Variants in CCNY observed in about 807,000 individuals in gnomAD.
CCNY encodes cyclin Y.
In CCNY, 19 loss-of-function variants were observed where a neutral mutation model predicts 42.8. That is an observed-to-expected ratio of 0.44 (90% confidence interval 0.31 to 0.65). CCNY has a LOEUF of 0.65. Among genes scored for constraint, CCNY ranks in the 30% least tolerant of loss-of-function variants. The probability of loss-of-function intolerance (pLI) is 0.07; values close to 1 mark genes in which losing one functional copy is unlikely to be tolerated. For synonymous variants in CCNY, 165 were observed against 162.7 expected (o/e 1.01, Z -0.11); for missense variants, 370 against 437.3 (o/e 0.85, Z 1.37).
intron 1 of CCNY, among the ~76,000 whole-genome samples, chr10:35,443,703 G>C (rs1334295161): frequency 6.6e-6 from 1 of 152,196 alleles, no homozygotes; most frequent in Non-Finnish European, 1.5e-5. Context: ...AATATACTTT[G>C]TGTTCTTAGC....
At chr10:35,464,245 C>T (rs1368947700) in intron 1 of CCNY, among the ~76,000 whole-genome samples, 1 of 152,176 alleles carries the variant, frequency 6.6e-6, no homozygotes, top group Admixed American at 6.5e-5. Context: ...TCTCATCTGC[C>T]TCCTTGTCCT....
chr10:35,372,684 G>C (rs1486884418), intron 1 of CCNY, among the ~76,000 whole-genome samples: 1 of 152,118 alleles, frequency 6.6e-6, no homozygotes, highest in African/African-American at 2.4e-5. Context: ...CCATTTCATA[G>C]AGAGCTACTG....
intron 2 of CCNY, chr10:35,250,505 C>T (rs1269586185): frequency 6.6e-6 from 1 of 152,196 alleles, no homozygotes; most frequent in African/African-American, 2.4e-5. Context: ...AATACATATC[C>T]CTGGGTCTCA....
rs533664716 is a variant in CCNY, at chr10:35,478,565, C to T, written c.155-4839C>T. Among the ~76,000 whole-genome samples, 9 of 152,282 alleles carry T rather than the reference C, an allele frequency of 5.9e-5. No homozygotes were observed. The South Asian group carries it at 1.9e-3, about 32-fold the overall frequency. The stretch of plus-strand genomic sequence containing the variant: ...AGGATTCCCTATTTAATAAATGGTG[C>T]TGGGAAAACTGGCTAGCCATATGGA... On this transcript the variant is annotated intron_variant, in intron 1 of 9. Coordinates refer to ENST00000374704, the MANE Select transcript of CCNY (RefSeq NM_145012.6).
At chr10:35,426,536 A>G (rs928278520) in intron 1 of CCNY, among the ~76,000 whole-genome samples, 6 of 152,232 alleles carry the variant, frequency 3.9e-5, no homozygotes, top group African/African-American at 1.4e-4. Flanking sequence ...GTGGCCATCA[A>G]GAAGAAGCAA....
At chr10:35,452,322 A>G (rs1223154571) in intron 1 of CCNY, among the ~76,000 whole-genome samples, 2 of 152,234 alleles carry the variant, frequency 1.3e-5, no homozygotes, top group Non-Finnish European at 2.9e-5. Context: ...GTCTCTGCAT[A>G]TACTTTCAGG....
intron 3 of CCNY, among the ~76,000 whole-genome samples, chr10:35,315,767 T>C (rs141645405): frequency 1.3e-5 from 2 of 152,346 alleles, no homozygotes; most frequent in Admixed American, 6.5e-5. Context: ...TGTTATTTTT[T>C]TGACTTTTTA....
intron 2 of CCNY, among the ~76,000 whole-genome samples, chr10:35,498,527 A>G (rs1840046587): frequency 6.6e-6 from 1 of 152,174 alleles, no homozygotes; most frequent in African/African-American, 2.4e-5. Context: ...AAGGTTGAGC[A>G]GAGCCCTTTG....
At chr10:35,407,976 G>A (rs1837818222) in intron 1 of CCNY, among the ~76,000 whole-genome samples, 2 of 152,186 alleles carry the variant, frequency 1.3e-5, no homozygotes, top group Admixed American at 6.5e-5. Context: ...TCCGTGACTG[G>A]CGCTGGAGTT....
At chr10:35,382,613 CTGTGGTACA>C in intron 1 of CCNY, among the ~76,000 whole-genome samples, 1 of 152,230 alleles carries the variant, frequency 6.6e-6, no homozygotes, top group South Asian at 2.1e-4. Flanking sequence ...GCTAACTGTC[CTGTGGTACA>C]CAGGACAGCC....
At chr10:35,383,078 C>G (rs2135196370) in intron 1 of CCNY, among the ~76,000 whole-genome samples, 1 of 152,200 alleles carries the variant, frequency 6.6e-6, no homozygotes, top group South Asian at 2.1e-4. Flanking sequence ...GATGCAAAAC[C>G]TGCGTGACCA....
At chr10:35,418,016 C>T (rs1367138720) in intron 1 of CCNY, among the ~76,000 whole-genome samples, 2 of 152,136 alleles carry the variant, frequency 1.3e-5, no homozygotes, top group African/African-American at 2.4e-5. Context: ...GAATATGTCT[C>T]CTTTAGGAAA....
rs569737073 is a variant in CCNY, at chr10:35,468,404, C to T, written c.155-15000C>T. Among the ~76,000 whole-genome samples, 99 of 152,216 alleles carry T rather than the reference C, an allele frequency of 6.5e-4. No individual in the cohort carries two copies. The South Asian group carries it at 0.017, about 26-fold the overall frequency. The stretch of plus-strand genomic sequence containing the variant: ...GATTGTGTTTGCATGCATGTATAGA[C>T]GTGTGTGTATATGTGTGTGTCTCTA... On this transcript the variant is annotated intron_variant, in intron 1 of 9. Transcript: ENST00000374704.
intron 1 of CCNY, among the ~76,000 whole-genome samples, chr10:35,394,537 T>A (rs1049888734): frequency 5.9e-5 from 9 of 152,180 alleles, no homozygotes; most frequent in Admixed American, 4.6e-4. Context: ...TATCTGAAGT[T>A]GAAGTGTATG....
rs58585359 is a variant in CCNY, at chr10:35,457,449, C to T, written c.155-25955C>T. Among the ~76,000 whole-genome samples, 1,226 of 152,264 alleles carry T rather than the reference C, an allele frequency of 8.1e-3. 15 individuals carry two copies. Among genetic ancestry groups the T allele is most frequent in the African/African-American group, 0.028 (1,158 of 41,528 alleles). On this transcript the variant is annotated intron_variant, in intron 1 of 9. Coordinates refer to ENST00000374704, the MANE Select transcript of CCNY (RefSeq NM_145012.6). ...TCAGCCCAGGGAGGCCTTGCCCCTC[C>T]GTGTTTCCTGTGTCTGGACAGAAGA...
chr10:35,545,466 C>T (rs1841093071), intron 7 of CCNY, among the ~76,000 whole-genome samples: 1 of 152,222 alleles, frequency 6.6e-6, no homozygotes, highest in African/African-American at 2.4e-5. Context: ...GGGTGCCCAG[C>T]CTCATGCTCA....
intron 7 of CCNY, among the ~76,000 whole-genome samples, chr10:35,533,096 G>C (rs1267587524): frequency 6.6e-6 from 1 of 152,126 alleles, no homozygotes; most frequent in African/African-American, 2.4e-5. Flanking sequence ...TCTTGCTTCG[G>C]ATGGGATGTG....
In CCNY at chr10:35,530,109, T is replaced by A; in HGVS notation, c.460-15T>A. ...AATCGGGAGATCAGTCATCTGAAAATATTTTCTTCCCCAGAAATCCGAAGT... is the reference window on the plus strand; with the variant it reads ...AATCGGGAGATCAGTCATCTGAAAAAATTTTCTTCCCCAGAAATCCGAAGT... On this transcript the variant is annotated splice_polypyrimidine_tract_variant and intron_variant, in intron 6 of 9. Coordinates refer to ENST00000374704, the MANE Select transcript of CCNY (RefSeq NM_145012.6). This position sits in a 1 kb window ranked among gnomAD's most constrained non-coding sequence, Gnocchi z 4.3. The A allele has an allele frequency of 6.2e-7, 1 of 1,614,006 alleles. No homozygotes were observed. Among genetic ancestry groups the A allele is most frequent in the East Asian group, 2.2e-5 (1 of 44,876 alleles).
intron 8 of CCNY, among the ~76,000 whole-genome samples, chr10:35,555,851 T>C (rs1020683182): frequency 2.6e-5 from 4 of 152,230 alleles, no homozygotes; most frequent in African/African-American, 9.7e-5. Context: ...GTCTGTTCTT[T>C]TGATGGGCAG....
Sources: gnomAD v4.1 joint callset for allele counts (sites outside exome capture counted in the v4.1 genomes callset) on GRCh38, gnomAD v4.1.1 for gene constraint, Gnocchi (gnomAD v3.1) non-coding constraint, MANE v1.5 for transcripts, NCBI Gene and HGNC (gene_info 2026-07-23, HGNC 2026-07-21) for gene names.